ARRB1: variants seen among roughly 807,000 people sequenced by gnomAD.
ARRB1 encodes beta-arrestin-1.
Under a neutral mutation model 56.8 loss-of-function variants are expected in ARRB1, and 21 were observed. The ratio of observed to expected loss-of-function variants is 0.37; its 90% CI spans 0.26 to 0.53. The LOEUF is 0.53. Ranked by LOEUF, ARRB1 falls within the 20% of genes least tolerant of loss-of-function variation. The pLI is 0.88. For synonymous variants in ARRB1, 210 were observed against 218.6 expected (o/e 0.96, Z 0.35); for missense variants, 424 against 553.7 (o/e 0.77, Z 2.35).
rs375493738 is a variant in ARRB1 at position 75,264,688 on chromosome 11, A to T, written c.*1475T>A. On this transcript the variant is annotated 3_prime_UTR_variant, in exon 16 of 16. Transcript: ENST00000420843. ...CTCTGGCTCTACCCACCAGACCAGG[A>T]GCTCTAATGTTCACAAATTCTTGGT... The T allele has an allele frequency of 3.9e-5, 6 of 152,194 alleles. No individual in the cohort carries two copies. The highest frequency in any genetic ancestry group is 1.4e-4 in the African/African-American group (6 of 41,520). The allele number at this position is 152,194 out of a possible 1,614,324, so 9.4% of individuals were successfully genotyped here.
intron 13 of ARRB1, among the ~76,000 whole-genome samples, chr11:75,269,688 T>TA (rs1415063580): frequency 2.0e-5 from 3 of 152,144 alleles, no homozygotes; most frequent in Non-Finnish European, 4.4e-5. Flanking sequence ...TTCCATAGAG[T>TA]AACTCATTTA....
chr11:75,332,373 C>CT (rs1418695134), intron 1 of ARRB1, among the ~76,000 whole-genome samples: 1 of 152,190 alleles, frequency 6.6e-6, no homozygotes, highest in African/African-American at 2.4e-5. Flanking sequence ...ATAGCTAGAT[C>CT]TTTTTCTTCG....
chr11:75,305,018 C>CTTTTTTTTTTTTTT lies in ARRB1; in HGVS notation c.21-14993_21-14980dup, dbSNP rs35323331. Reference sequence around the variant, plus strand: ...TTCTTTTCTTTTCTTTTCTTTCTTTCTTTTTTTTTTTTTTTTTTTTTTGAG... The same window carrying CTTTTTTTTTTTTTT: ...TTCTTTTCTTTTCTTTTCTTTCTTTCTTTTTTTTTTTTTTTTTTTTTTTTTTTTTTTTTTTTGAG... On this transcript the variant is annotated intron_variant, in intron 1 of 15. Transcript: ENST00000420843. Among the ~76,000 whole-genome samples, 116 of 86,736 alleles carry CTTTTTTTTTTTTTT rather than the reference C, an allele frequency of 1.3e-3. 1 individual carries two copies. Among genetic ancestry groups the CTTTTTTTTTTTTTT allele is most frequent in the East Asian group, 2.4e-3 (7 of 2,888 alleles). 56.9% of individuals were successfully genotyped at this position (86,736 alleles called of 152,430 possible). A position where few individuals can be genotyped will look rare whatever the true frequency, so the allele number is the denominator to read the frequency against.
chr11:75,300,860 C>T (rs999675277), intron 1 of ARRB1, among the ~76,000 whole-genome samples: 2 of 147,670 alleles, frequency 1.4e-5, no homozygotes, highest in South Asian at 2.1e-4. Flanking sequence ...CCCAGCTGCG[C>T]GGGAGGCTGA....
intron 1 of ARRB1, among the ~76,000 whole-genome samples, chr11:75,296,432 C>T (rs1388220028): frequency 6.6e-6 from 1 of 152,240 alleles, no homozygotes; most frequent in Non-Finnish European, 1.5e-5. Context: ...TAGGTCAACT[C>T]TCCATGAACC....
Position 75,343,586 on chromosome 11 carries a change from G to A in ARRB1, c.20+8002C>T, listed in dbSNP as rs74667789. 6.4e-3 allele frequency among the ~76,000 whole-genome samples: 967 copies of A among 152,240 alleles called. 6 individuals are homozygous for A. Among genetic ancestry groups the A allele is most frequent in the African/African-American group, 0.022 (922 of 41,546 alleles). On this transcript the variant is annotated intron_variant, in intron 1 of 15. Coordinates refer to ENST00000420843, the MANE Select transcript of ARRB1 (RefSeq NM_004041.5). ...ACCTACTACCCTATTTTACAGATAA[G>A]GGAGCCACAGCAGAGAAAGGGTTAA... is the stretch of plus-strand genomic sequence containing the variant.
At chr11:75,267,508 G>C in intron 15 of ARRB1, 144 bp downstream of exon 15, 1 of 780,084 alleles carries the variant, frequency 1.3e-6, no homozygotes, top group East Asian at 2.7e-5. Context: ...GCGGGTTGCT[G>C]AAGAGGCGAG....
chr11:75,322,414 G>C (rs1591974850), intron 1 of ARRB1, among the ~76,000 whole-genome samples: 1 of 152,206 alleles, frequency 6.6e-6, no homozygotes, highest in East Asian at 1.9e-4. Context: ...TCTGAGGCAG[G>C]AGAATCGCTT....
chr11:75,320,616 T>C (rs1947333235), intron 1 of ARRB1, among the ~76,000 whole-genome samples: 1 of 152,078 alleles, frequency 6.6e-6, no homozygotes, highest in African/African-American at 2.4e-5. Flanking sequence ...GGCCATGGGC[T>C]CCACATGGTA....
At chr11:75,344,596 C>T (rs1424081667) in intron 1 of ARRB1, among the ~76,000 whole-genome samples, 1 of 152,172 alleles carries the variant, frequency 6.6e-6, no homozygotes, top group East Asian at 1.9e-4. Context: ...TTTGCTCACC[C>T]TCTGTCCAAC....
intron 1 of ARRB1, among the ~76,000 whole-genome samples, chr11:75,296,721 A>G (rs1946759004): frequency 6.6e-6 from 1 of 151,852 alleles, no homozygotes; most frequent in Non-Finnish European, 1.5e-5. Flanking sequence ...TCTGTCACCC[A>G]GGCTGGAGTA....
intron 13 of ARRB1, 87 bp downstream of exon 13, chr11:75,271,614 C>A: frequency 7.2e-7 from 1 of 1,398,546 alleles, no homozygotes; most frequent in South Asian, 1.3e-5. Context: ...CCTTCCAACC[C>A]AGTGCCCTGT....
chr11:75,270,779 G>A (rs1353766456), intron 13 of ARRB1, among the ~76,000 whole-genome samples: 1 of 152,166 alleles, frequency 6.6e-6, no homozygotes, highest in Non-Finnish European at 1.5e-5. Context: ...CTGGGCAATA[G>A]AATCAGACCT....
chr11:75,322,074 G>A (rs1383229582), intron 1 of ARRB1, among the ~76,000 whole-genome samples: 2 of 152,206 alleles, frequency 1.3e-5, no homozygotes, highest in Admixed American at 6.5e-5. Flanking sequence ...TAAAGTGGAG[G>A]GCTCCAAGAG....
chr11:75,273,033 C>A (rs1946106005), intron 11 of ARRB1, 55 bp from the exon 12 acceptor site: 1 of 1,527,354 alleles, frequency 6.5e-7, no homozygotes, highest in South Asian at 1.1e-5. Context: ...GGGCGAGACA[C>A]CTCAGGGGTG....
chr11:75,282,081 A>G (rs1321964426), intron 5 of ARRB1, 60 bp from the exon 6 acceptor site: 1 of 1,580,048 alleles, frequency 6.3e-7, no homozygotes, highest in East Asian at 2.2e-5. Flanking sequence ...TGTCTCATGT[A>G]TTGCAGCCCA....
In ARRB1 at chr11:75,281,853, C is replaced by A. The variant is rs1019011941; in HGVS notation, c.414+109G>T. 3.4e-5 allele frequency: 39 copies of A among 1,153,466 alleles called. No individual in the cohort carries two copies. The Admixed American group carries it at 3.5e-4, about 10-fold the overall frequency. The allele number at this position is 1,153,466 out of a possible 1,614,324, so 71.5% of individuals were successfully genotyped here. A position where few individuals can be genotyped will look rare whatever the true frequency, so the allele number is the denominator to read the frequency against. On this transcript the variant is annotated intron_variant, in intron 6 of 15. Coordinates refer to ENST00000420843, the MANE Select transcript of ARRB1 (RefSeq NM_004041.5). ...GCTTAGCCTAGACACAAAGACTGTTCAACAGGGAGAGTGGTCCTGTGTGTC... is the reference window on the plus strand; with the variant it reads ...GCTTAGCCTAGACACAAAGACTGTTAAACAGGGAGAGTGGTCCTGTGTGTC...
rs1263766844 is a variant in ARRB1 at position 75,261,516 on chromosome 11, A to T, written c.*4647T>A. 2.0e-5 allele frequency: 3 copies of T among 152,116 alleles called. No homozygotes were observed. Among genetic ancestry groups the T allele is most frequent in the Non-Finnish European group, 2.9e-5 (2 of 68,034 alleles). The allele number at this position is 152,116 out of a possible 1,614,324, so 9.4% of individuals were successfully genotyped here. On this transcript the variant is annotated 3_prime_UTR_variant, in exon 16 of 16. Coordinates refer to ENST00000420843, the MANE Select transcript of ARRB1 (RefSeq NM_004041.5). Reference sequence around the variant, plus strand: ...TTCCCACTTTAGCATCCCCTGACAAAGCTCTGTGGAATATCAGGGGTTCCG... The same window carrying T: ...TTCCCACTTTAGCATCCCCTGACAATGCTCTGTGGAATATCAGGGGTTCCG...
At chr11:75,292,491 A>T (rs1406518859) in intron 1 of ARRB1, among the ~76,000 whole-genome samples, 1 of 152,216 alleles carries the variant, frequency 6.6e-6, no homozygotes, top group Non-Finnish European at 1.5e-5. Flanking sequence ...TGCCACAGTC[A>T]GCTGGGGTGT....
Sources: allele counts gnomAD v4.1 joint callset (sites outside exome capture counted in the v4.1 genomes callset), GRCh38; gene constraint gnomAD v4.1.1; transcripts MANE v1.5; gene names NCBI Gene and HGNC (gene_info 2026-07-23, HGNC 2026-07-21).